The following FHIT variants were observed in gnomAD, a reference collection of about 807,000 sequenced individuals.
FHIT encodes fragile histidine triad diadenosine triphosphatase.
FHIT carries 19 observed loss-of-function variants against 17.9 expected under a neutral mutation model. That is an observed-to-expected ratio of 1.06 (90% CI 0.74 to 1.56). FHIT has a LOEUF of 1.56. FHIT is among the 40% of genes most tolerant of loss of function. The pLI, the probability that FHIT is intolerant of heterozygous loss-of-function variation, is 0.00. For synonymous variants in FHIT, 81 were observed against 69.7 expected, an observed-to-expected ratio of 1.16 and a Z score of -0.81; for missense variants, 248 against 189.2, an observed-to-expected ratio of 1.31 and a Z score of -1.82.
At chr3:60,436,480 A>C (rs1020895240) in intron 5 of FHIT, among the ~76,000 whole-genome samples, 6 of 152,160 alleles carry the variant, frequency 3.9e-5, no homozygotes, top group African/African-American at 1.4e-4. Context: ...CTGAGGACAC[A>C]GCAGTGAATA....
At chr3:60,131,213 C>T (rs1212578208) in intron 5 of FHIT, among the ~76,000 whole-genome samples, 1 of 151,780 alleles carries the variant, frequency 6.6e-6, no homozygotes, top group East Asian at 1.9e-4. Flanking sequence ...ATAACCTTCC[C>T]ACCTCCTCCC....
intron 5 of FHIT, among the ~76,000 whole-genome samples, chr3:60,411,403 G>T (rs912280540): frequency 6.6e-6 from 1 of 152,074 alleles, no homozygotes; most frequent in African/African-American, 2.4e-5. Context: ...CACTTAATGT[G>T]TCTAGAAGGG....
chr3:60,890,980 A>G (rs1400535762), intron 3 of FHIT, among the ~76,000 whole-genome samples: 29 of 152,186 alleles, frequency 1.9e-4, no homozygotes, highest in African/African-American at 2.4e-5. Flanking sequence ...GCATTCGTCA[A>G]TAGGTTGAAG....
intron 6 of FHIT, 134 bp from the exon 7 acceptor site, chr3:60,011,534 T>C: frequency 1.3e-6 from 1 of 761,456 alleles, no homozygotes; most frequent in Non-Finnish European, 2.3e-6. Context: ...TGGGGACCAT[T>C]GGCTTCAAAT....
At chr3:59,822,040 A>G (rs545592287) in intron 8 of FHIT, among the ~76,000 whole-genome samples, 13 of 152,302 alleles carry the variant, frequency 8.5e-5, no homozygotes, top group Non-Finnish European at 1.0e-4. Flanking sequence ...ATGACTGAGA[A>G]CATACAATGT....
At chr3:60,422,527 T>A (rs1311499189) in intron 5 of FHIT, among the ~76,000 whole-genome samples, 1 of 152,160 alleles carries the variant, frequency 6.6e-6, no homozygotes, top group African/African-American at 2.4e-5. Flanking sequence ...TCTTTTTTGT[T>A]GTTGTTATTG....
At chr3:60,857,758 A>G (rs1273905797) in intron 3 of FHIT, among the ~76,000 whole-genome samples, 1 of 152,080 alleles carries the variant, frequency 6.6e-6, no homozygotes, top group Non-Finnish European at 1.5e-5. Context: ...GCAAGACTCC[A>G]TCTCTACAAA....
intron 5 of FHIT, among the ~76,000 whole-genome samples, chr3:60,023,748 A>G (rs1700635899): frequency 6.6e-6 from 1 of 152,220 alleles, no homozygotes; most frequent in Non-Finnish European, 1.5e-5. Flanking sequence ...TCCTTTATAG[A>G]TAGGCTCAAC....
At chr3:60,741,643 G>A in intron 4 of FHIT, among the ~76,000 whole-genome samples, 1 of 152,184 alleles carries the variant, frequency 6.6e-6, no homozygotes. Flanking sequence ...TCGACTCTGT[G>A]ACTTTTGCCT....
intron 3 of FHIT, among the ~76,000 whole-genome samples, chr3:60,913,479 A>C (rs1706844832): frequency 1.3e-5 from 2 of 152,210 alleles, no homozygotes; most frequent in African/African-American, 4.8e-5. Context: ...AATTATAATA[A>C]GATCTCCAGA....
intron 5 of FHIT, among the ~76,000 whole-genome samples, chr3:60,521,519 T>A (rs1344263919): frequency 6.6e-6 from 1 of 152,148 alleles, no homozygotes; most frequent in Non-Finnish European, 1.5e-5. Context: ...AGTGCTGGGA[T>A]TACAGGCATG....
chr3:60,068,440 C>G (rs1702617152), intron 5 of FHIT, among the ~76,000 whole-genome samples: 1 of 152,168 alleles, frequency 6.6e-6, no homozygotes, highest in Non-Finnish European at 1.5e-5. Flanking sequence ...AAAATAGCAA[C>G]AGTGCAAAAC....
chr3:60,473,934 G>A (rs907784837), intron 5 of FHIT, among the ~76,000 whole-genome samples: 2 of 149,268 alleles, frequency 1.3e-5, no homozygotes, highest in East Asian at 2.0e-4. Context: ...AAAAAAAAAA[G>A]AAAAAAAGAA....
intron 3 of FHIT, among the ~76,000 whole-genome samples, chr3:60,911,400 C>T (rs1446130721): frequency 4.6e-5 from 7 of 151,998 alleles, no homozygotes; most frequent in African/African-American, 1.7e-4. Context: ...CACACACACC[C>T]TTCCACCACC....
intron 2 of FHIT, among the ~76,000 whole-genome samples, chr3:61,061,817 T>C (rs2034441346): frequency 6.6e-6 from 1 of 152,200 alleles, no homozygotes; most frequent in South Asian, 2.1e-4. Context: ...AAATCAAAGA[T>C]TACATTTTGC....
chr3:60,182,761 T>A (rs1701993536), intron 5 of FHIT, among the ~76,000 whole-genome samples: 1 of 152,016 alleles, frequency 6.6e-6, no homozygotes, highest in Non-Finnish European at 1.5e-5. Context: ...GCAGCCTGGG[T>A]GACAGAGTGA....
intron 2 of FHIT, among the ~76,000 whole-genome samples, chr3:61,168,882 G>A (rs2037916646): frequency 6.6e-6 from 1 of 152,184 alleles, no homozygotes; most frequent in Admixed American, 6.5e-5. Flanking sequence ...AGGCTACAAG[G>A]TTGAAAGCCA....
chr3:60,781,910 G>A (rs1700402075), intron 4 of FHIT, among the ~76,000 whole-genome samples: 1 of 152,068 alleles, frequency 6.6e-6, no homozygotes, highest in Non-Finnish European at 1.5e-5. Flanking sequence ...TATGTATACA[G>A]TCTGGAATGA....
chr3:59,790,907 G>C (rs745882735), intron 8 of FHIT, among the ~76,000 whole-genome samples: 18 of 151,918 alleles, frequency 1.2e-4, no homozygotes, highest in Non-Finnish European at 2.5e-4. Flanking sequence ...ATTCCTATTG[G>C]AGCATTAGTA....
Sources: gnomAD v4.1 joint callset for allele counts (sites outside exome capture counted in the v4.1 genomes callset) on GRCh38, gnomAD v4.1.1 for gene constraint, MANE v1.5 for transcripts, NCBI Gene and HGNC (gene_info 2026-07-23, HGNC 2026-07-21) for gene names.